Variants in GCNT1 observed in about 807,000 individuals in gnomAD.
The protein encoded by GCNT1 is beta-1,3-galactosyl-O-glycosyl-glycoprotein beta-1,6-N-acetylglucosaminyltransferase.
A neutral mutation model predicts 26.2 loss-of-function variants in GCNT1; 16 were observed. The ratio of observed to expected loss-of-function variants is 0.61; its 90% confidence interval spans 0.41 to 0.93. GCNT1 has a LOEUF of 0.93. GCNT1 is among the 40% of genes least tolerant of loss of function. The pLI is 0.00. For missense variants in GCNT1, 477 were observed against 526.7 expected (o/e 0.91, Z 0.92); for synonymous variants, 183 against 190.8 (o/e 0.96, Z 0.34).
rs1311076330 is a variant in GCNT1, at chr9:76,504,730, A to G, written c.*1062A>G. The G allele has an allele frequency of 2.4e-6, 1 of 413,322 alleles. No homozygotes were observed. The highest frequency in any genetic ancestry group is 3.6e-5 in the East Asian group (1 of 28,094). 25.6% of individuals were successfully genotyped at this position (413,322 alleles called of 1,614,324 possible). A position where few individuals can be genotyped will look rare whatever the true frequency, so the allele number is the denominator to read the frequency against. On this transcript the variant is annotated 3_prime_UTR_variant, in exon 4 of 4. Coordinates refer to ENST00000376730, the MANE Select transcript of GCNT1 (RefSeq NM_001490.5). ...GTGTCCAACCTCCCAGGATTGTTTT[A>G]TCCTAATGTCACCTGTATATTCATT...
At chr9:76,495,547 G>A (rs532656625) in intron 2 of GCNT1, among the ~76,000 whole-genome samples, 2 of 152,272 alleles carry the variant, frequency 1.3e-5, no homozygotes, top group Admixed American at 6.5e-5. Context: ...CTGCTGATTG[G>A]TCCATTTTAC....
At chr9:76,407,352 A>G in the GCNT1 span, among the ~76,000 whole-genome samples, 1 of 151,996 alleles carries the variant, frequency 6.6e-6, no homozygotes, top group Admixed American at 6.6e-5. Flanking sequence ...CAGTTGTTCC[A>G]GCAGCATTTC....
At chr9:76,472,145 C>T (rs971782534) in intron 2 of GCNT1, among the ~76,000 whole-genome samples, 2 of 152,096 alleles carry the variant, frequency 1.3e-5, no homozygotes, top group East Asian at 1.9e-4. Context: ...GGTGTGGTGG[C>T]GTTCGCCTGT....
intron 2 of GCNT1, among the ~76,000 whole-genome samples, chr9:76,467,820 G>A (rs1334123196): frequency 2.7e-5 from 4 of 148,764 alleles, no homozygotes; most frequent in African/African-American, 9.9e-5. Context: ...TGGGGGTGTT[G>A]AAAGGAAGTG....
At chr9:76,479,698 T>G (rs1824367404) in intron 2 of GCNT1, among the ~76,000 whole-genome samples, 1 of 152,242 alleles carries the variant, frequency 6.6e-6, no homozygotes, top group African/African-American at 2.4e-5. Flanking sequence ...GCCCACTTGT[T>G]GATGGGGTTG....
intron 2 of GCNT1, among the ~76,000 whole-genome samples, chr9:76,468,070 C>G (rs886579516): frequency 2.0e-5 from 3 of 151,996 alleles, no homozygotes; most frequent in South Asian, 2.1e-4. Flanking sequence ...CCATGCCTGG[C>G]TAATTAGTAA....
chr9:76,499,954 G>T (rs1274718600), intron 2 of GCNT1, among the ~76,000 whole-genome samples: 1 of 151,828 alleles, frequency 6.6e-6, no homozygotes, highest in Admixed American at 6.6e-5. Flanking sequence ...TCTCAATTTG[G>T]TTAGATACCA....
At chr9:76,456,770 C>A (rs1358985128), upstream of GCNT1, among the ~76,000 whole-genome samples, 1 of 152,136 alleles carries the variant, frequency 6.6e-6, no homozygotes, top group Non-Finnish European at 1.5e-5. Flanking sequence ...CGTGGGAGTT[C>A]AAACCCAGCC....
intron 2 of GCNT1, among the ~76,000 whole-genome samples, chr9:76,475,189 C>A (rs1392746684): frequency 6.6e-6 from 1 of 152,166 alleles, no homozygotes; most frequent in Non-Finnish European, 1.5e-5. Context: ...GTGCTAATTT[C>A]AAATTCAATA....
Position 76,503,392 on chromosome 9 carries a change from T to G in GCNT1, c.1011T>G (p.Pro337=). The G allele has an allele frequency of 6.2e-7, 1 of 1,614,198 alleles. No individual in the cohort carries two copies. The highest frequency in any genetic ancestry group is 8.5e-7 in the Non-Finnish European group (1 of 1,180,024). The change falls in exon 4 of 4, where the codon CCT becomes CCG. Residue 337 remains proline (P), a synonymous_variant. Transcript: ENST00000376730. ...TTCCTGAAGTCCCGGGCTCACTCCC[T>G]GCCAGCCATAAGTATGATCTGTCTG... The part of the protein sequence containing the change: ...QRIPEVPGSL[P]ASHKYDLSDM...
intron 2 of GCNT1, among the ~76,000 whole-genome samples, chr9:76,496,608 G>C (rs1824913387): frequency 6.6e-6 from 1 of 151,976 alleles, no homozygotes; most frequent in Non-Finnish European, 1.5e-5. Context: ...CACTTTTAGT[G>C]ACCATATCGT....
At chr9:76,443,917 GGAAGAAAGGAAGA>G (rs1823524605) in intron 1 of GCNT1, among the ~76,000 whole-genome samples, 2 of 64,786 alleles carry the variant, frequency 3.1e-5, no homozygotes, top group African/African-American at 1.2e-4. Context: ...AAGGAAGAAA[GGAAGAAAGGAAGA>G]AAGGAAGGAA....
In GCNT1 at chr9:76,505,146, CAT is replaced by C. The variant is rs990865325; in HGVS notation, c.*1479_*1480del. ...TTAGACTTTAAACAAGAATTAAAAT[CAT>C]GTGCTGTATTTTTAAAATCTAGCCA... On this transcript the variant is annotated 3_prime_UTR_variant, in exon 4 of 4. Transcript: ENST00000376730. 6.9e-5 allele frequency: 28 copies of C among 406,844 alleles called. No homozygotes were observed. The highest frequency in any genetic ancestry group is 4.3e-4 in the East Asian group (12 of 27,672). The allele number at this position is 406,844 out of a possible 1,614,324, so 25.2% of individuals were successfully genotyped here.
chr9:76,502,956 G>A lies in GCNT1; in HGVS notation c.575G>A (p.Arg192Gln), dbSNP rs1381318776. The A allele has an allele frequency of 3.7e-6, 6 of 1,612,834 alleles. No individual in the cohort carries two copies. The highest frequency in any genetic ancestry group is 1.7e-5 in the Admixed American group (1 of 59,990). ...LESVVYASWS[R>Q]VQADLNCMKD... ...AGTGTGGTTTATGCATCGTGGAGCC[G>A]GGTTCAGGCTGACCTCAACTGCATG... is the stretch of plus-strand genomic sequence containing the variant. The change falls in exon 4 of 4, where the codon CGG becomes CAG. Residue 192 changes from arginine (R) to glutamine (Q), a missense_variant. Physicochemically the swap from Arg to Gln is conservative, Grantham distance 43. Transcript: ENST00000376730.
chr9:76,419,785 G>A (rs1481770576), upstream of GCNT1: 1 of 152,208 alleles, frequency 6.6e-6, no homozygotes, highest in Non-Finnish European at 1.5e-5. Context: ...AAAATGTACT[G>A]TCTAAAAATA....
At chr9:76,429,766 G>C (rs1198891521) in intron 1 of GCNT1, among the ~76,000 whole-genome samples, 2 of 143,722 alleles carry the variant, frequency 1.4e-5, no homozygotes. Context: ...CTAGGCTGGA[G>C]TTCAGTGGCG....
At chr9:76,398,042 G>A in the GCNT1 span, among the ~76,000 whole-genome samples, 3 of 152,262 alleles carry the variant, frequency 2.0e-5, no homozygotes, top group East Asian at 1.9e-4. Context: ...ATTCTAAAAC[G>A]TGTTTTTTAT....
upstream of GCNT1, among the ~76,000 whole-genome samples, chr9:76,415,779 C>T (rs999651232): frequency 6.6e-6 from 1 of 152,188 alleles, no homozygotes; most frequent in African/African-American, 2.4e-5. Flanking sequence ...CTTGGGCCCC[C>T]TCTATCCCCA....
chr9:76,492,833 T>C (rs1085341), intron 2 of GCNT1, among the ~76,000 whole-genome samples: 91,256 of 151,542 alleles, frequency 0.6, 28,095 homozygotes, highest in African/African-American at 0.72. Context: ...ACTAAGGCTG[T>C]GGCCTTTCTC....
Sources: gnomAD v4.1 joint callset for allele counts (sites outside exome capture counted in the v4.1 genomes callset) on GRCh38, gnomAD v4.1.1 for gene constraint, MANE v1.5 for transcripts, NCBI Gene and HGNC (gene_info 2026-07-23, HGNC 2026-07-21) for gene names.